Variants in SHANK2 observed in about 807,000 individuals in gnomAD.
SHANK2 encodes the protein SH3 and multiple ankyrin repeat domains protein 2.
A neutral mutation model predicts 133.7 loss-of-function variants in SHANK2; 43 were observed. That is an observed-to-expected ratio of 0.32 (90% CI 0.25 to 0.41). The LOEUF is 0.41. SHANK2 is among the 10% of genes least tolerant of loss of function. The pLI is 1.00. For synonymous variants in SHANK2, 1,017 were observed against 952.8 expected (o/e 1.07, Z -1.24); for missense variants, 1,994 against 2,235.8 (o/e 0.89, Z 2.18).
chr11:70,562,754 GA>G (rs2059921428), intron 17 of SHANK2, among the ~76,000 whole-genome samples: 1 of 152,154 alleles, frequency 6.6e-6, no homozygotes, highest in South Asian at 2.1e-4. Context: ...TTTAATATGT[GA>G]TTATTGATAG....
chr11:70,863,483 T>G (rs950412116), intron 11 of SHANK2: 19 of 457,656 alleles, frequency 4.2e-5, no homozygotes, highest in Non-Finnish European at 7.9e-5. Flanking sequence ...ACGGATTCTG[T>G]GGGGGGTTTT....
chr11:70,581,478 G>A (rs1458736392), intron 17 of SHANK2, among the ~76,000 whole-genome samples: 2 of 152,120 alleles, frequency 1.3e-5, no homozygotes, highest in African/African-American at 2.4e-5. Flanking sequence ...ATCACTCGAG[G>A]TTGGGAGTTT....
intron 6 of SHANK2, among the ~76,000 whole-genome samples, chr11:71,097,654 G>A (rs572005788): frequency 2.0e-5 from 3 of 152,070 alleles, no homozygotes; most frequent in South Asian, 2.1e-4. Context: ...GATGTGCTTC[G>A]AAAGGGTGAG....
At chr11:70,799,808 C>G (rs940646853) in intron 13 of SHANK2, among the ~76,000 whole-genome samples, 4 of 152,312 alleles carry the variant, frequency 2.6e-5, no homozygotes, top group Middle Eastern at 3.4e-3. Flanking sequence ...ACTGGGTACA[C>G]AGTAGGCCCT....
At chr11:70,531,213 A>G (rs2135975876) in intron 17 of SHANK2, among the ~76,000 whole-genome samples, 1 of 150,136 alleles carries the variant, frequency 6.7e-6, no homozygotes, top group African/African-American at 2.4e-5. Flanking sequence ...GTTTACATGT[A>G]TTTTACTATG....
chr11:70,800,491 T>C (rs1400143757), intron 13 of SHANK2, among the ~76,000 whole-genome samples: 3 of 152,246 alleles, frequency 2.0e-5, no homozygotes, highest in Non-Finnish European at 2.9e-5. Context: ...AGAGGAATTA[T>C]GGCCCCATAA....
chr11:70,945,526 C>A (rs533555046), intron 10 of SHANK2, among the ~76,000 whole-genome samples: 1 of 152,194 alleles, frequency 6.6e-6, no homozygotes, highest in Non-Finnish European at 1.5e-5. Flanking sequence ...CTCCAGACTG[C>A]CACCTCACCA....
chr11:70,952,040 T>A (rs1171434194), intron 10 of SHANK2, among the ~76,000 whole-genome samples: 2 of 152,212 alleles, frequency 1.3e-5, no homozygotes, highest in Non-Finnish European at 2.9e-5. Flanking sequence ...AGACATGAAT[T>A]TACGGGGCAA....
intron 17 of SHANK2, chr11:70,635,157 C>T (rs557778823): frequency 6.6e-6 from 1 of 152,326 alleles, no homozygotes; most frequent in Admixed American, 6.5e-5. Flanking sequence ...CTCCTCAAAA[C>T]CTTAAACACA....
At chr11:70,870,911 G>T (rs1949448543) in intron 11 of SHANK2, among the ~76,000 whole-genome samples, 1 of 152,164 alleles carries the variant, frequency 6.6e-6, no homozygotes, top group Non-Finnish European at 1.5e-5. Context: ...CCAAGTAGCT[G>T]GGACTACAGG....
At chr11:70,762,391 AGGAT>A (rs1947014480) in intron 14 of SHANK2, among the ~76,000 whole-genome samples, 1 of 152,194 alleles carries the variant, frequency 6.6e-6, no homozygotes, top group Non-Finnish European at 1.5e-5. Context: ...CCAGACCAGC[AGGAT>A]GCAGAGGAAA....
At chr11:70,814,715 G>A (rs1948353343) in intron 12 of SHANK2, among the ~76,000 whole-genome samples, 1 of 152,212 alleles carries the variant, frequency 6.6e-6, no homozygotes, top group Admixed American at 6.5e-5. Flanking sequence ...TGCAATGGAC[G>A]ACGCATGGAC....
intron 2 of SHANK2, among the ~76,000 whole-genome samples, chr11:71,177,980 G>C (rs543164511): frequency 8.4e-4 from 128 of 152,352 alleles, no homozygotes; most frequent in African/African-American, 3.0e-3. Flanking sequence ...ACTGCTAGTA[G>C]AAATGTAAAT....
intron 11 of SHANK2, chr11:70,863,158 A>AT (rs1303819428): frequency 2.8e-6 from 1 of 360,512 alleles, no homozygotes; most frequent in Non-Finnish European, 5.5e-6. Flanking sequence ...CTCAAAAATA[A>AT]TTTGTAGGCC....
intron 17 of SHANK2, among the ~76,000 whole-genome samples, chr11:70,580,457 G>A (rs1554985174): frequency 6.6e-6 from 1 of 152,238 alleles, no homozygotes; most frequent in East Asian, 1.9e-4. Context: ...CCCTCCTGCA[G>A]GATGAAATTG....
At chr11:70,890,614 T>C (rs185497311) in intron 11 of SHANK2, among the ~76,000 whole-genome samples, 116 of 150,074 alleles carry the variant, frequency 7.7e-4, no homozygotes, top group African/African-American at 2.7e-3. Flanking sequence ...AGCCTGACCA[T>C]CATGGAGAAA....
intron 17 of SHANK2, among the ~76,000 whole-genome samples, chr11:70,602,245 T>G (rs1554991217): frequency 6.6e-6 from 1 of 152,226 alleles, no homozygotes; most frequent in African/African-American, 2.4e-5. Context: ...TTGTACAGCC[T>G]GCAGAACTGT....
intron 11 of SHANK2, among the ~76,000 whole-genome samples, chr11:70,890,675 T>A (rs1949826593): frequency 1.3e-5 from 2 of 151,768 alleles, no homozygotes; most frequent in Admixed American, 1.3e-4. Flanking sequence ...AGCGCGTGCC[T>A]GTAATCCTAC....
intron 10 of SHANK2, among the ~76,000 whole-genome samples, chr11:70,924,899 C>A (rs1218111410): frequency 1.7e-4 from 26 of 152,208 alleles, no homozygotes; most frequent in Non-Finnish European, 1.0e-4. Context: ...ACTCCCGGAA[C>A]AAGGCAAGGC....
Sources: gnomAD v4.1 joint callset for allele counts (sites outside exome capture counted in the v4.1 genomes callset) on GRCh38, gnomAD v4.1.1 for gene constraint, MANE v1.5 for transcripts, NCBI Gene and HGNC (gene_info 2026-07-23, HGNC 2026-07-21) for gene names.